ACTN1: variants seen among roughly 807,000 people sequenced by gnomAD.
ACTN1 encodes actinin alpha 1.
In ACTN1, 30 loss-of-function variants were observed where a neutral mutation model predicts 119.6. The ratio of observed to expected loss-of-function variants is 0.25; its 90% confidence interval spans 0.19 to 0.34. ACTN1 has a LOEUF of 0.34. Ranked by LOEUF, ACTN1 falls within the 10% of genes least tolerant of loss-of-function variation. The pLI, the probability that ACTN1 is intolerant of heterozygous loss-of-function variation, is 1.00. For synonymous variants in ACTN1, 429 were observed against 472.6 expected (o/e 0.91, Z 1.20); for missense variants, 764 against 1,223.4 (o/e 0.62, Z 5.60).
In ACTN1 at chr14:68,892,158, C is replaced by T. The variant is rs570350008; in HGVS notation, c.981G>A (p.Lys327=). Residue 327 remains lysine (K), a synonymous_variant, in exon 10 of 22, where the codon AAG becomes AAA. Coordinates refer to ENST00000394419, the MANE Select transcript of ACTN1 (RefSeq NM_001130004.2). ...RDYRRLHKPP[K]VQEKCQLEIN... is the part of the protein sequence containing the mutation. ...TCTCCAGCTGGCACTTCTCCTGCAC[C>T]TTGGGCGGCTTGTGCAGGCGCCGGT... 4.3e-6 allele frequency: 7 copies of T among 1,614,140 alleles called. No homozygotes were observed. In the African/African-American group the frequency reaches 6.7e-5, roughly 15 times the overall value.
chr14:68,903,581 G>A (rs2033479802), intron 7 of ACTN1, among the ~76,000 whole-genome samples: 1 of 151,516 alleles, frequency 6.6e-6, no homozygotes, highest in African/African-American at 2.4e-5. Context: ...GCAGGGAACA[G>A]TCTGGACCCC....
Position 68,885,857 on chromosome 14 carries a change from G to C in ACTN1, c.1235-282C>G. 2.8e-6 allele frequency: 1 copy of C among 355,630 alleles called. No homozygotes were observed. The highest frequency in any genetic ancestry group is 5.3e-6 in the Non-Finnish European group (1 of 189,718). 22.0% of individuals were successfully genotyped at this position (355,630 alleles called of 1,614,324 possible). A position where few individuals can be genotyped will look rare whatever the true frequency, so the allele number is the denominator to read the frequency against. On this transcript the variant is annotated intron_variant, in intron 11 of 21. Coordinates refer to ENST00000394419, the MANE Select transcript of ACTN1 (RefSeq NM_001130004.2). The surrounding 1 kb of genome is among the most constrained non-coding windows in gnomAD (Gnocchi z 5.6). The stretch of plus-strand genomic sequence containing the variant: ...TCTGTGGGAATGCATAGGGCATGAC[G>C]CTATACACACAGCGGGAAACACAGC...
intron 1 of ACTN1, chr14:68,978,472 G>C (rs967173983): frequency 3.1e-6 from 1 of 327,212 alleles, no homozygotes; most frequent in Admixed American, 4.5e-5. Context: ...CAGGGTCCCG[G>C]GAGGCCCGCC....
At chr14:68,961,149 G>A (rs2036525024) in intron 1 of ACTN1, among the ~76,000 whole-genome samples, 1 of 152,160 alleles carries the variant, frequency 6.6e-6, no homozygotes, top group African/African-American at 2.4e-5. Flanking sequence ...AAAGAGGCAG[G>A]AAAGTACAAA....
chr14:68,952,345 G>T lies in ACTN1; in HGVS notation c.105+26607C>A, dbSNP rs148137025. Among the ~76,000 whole-genome samples the T allele has an allele frequency of 3.9e-4, 59 of 152,352 alleles. No individual in the cohort carries two copies. In the East Asian group the frequency reaches 8.5e-3, roughly 22 times the overall value. ...GGACCCTGCGGGCTGCAGACAGGTC[G>T]AAGTGACAGGCGGCCAACGGCAGGG... On this transcript the variant is annotated intron_variant, in intron 1 of 21. Coordinates refer to ENST00000394419, the MANE Select transcript of ACTN1 (RefSeq NM_001130004.2).
In ACTN1 at chr14:68,955,894, G is replaced by A. The variant is rs543575361; in HGVS notation, c.105+23058C>T. Among the ~76,000 whole-genome samples the A allele has an allele frequency of 2.6e-5, 4 of 152,334 alleles. No homozygotes were observed. The South Asian group carries it at 6.2e-4, about 24-fold the overall frequency. On this transcript the variant is annotated intron_variant, in intron 1 of 21. Coordinates refer to ENST00000394419, the MANE Select transcript of ACTN1 (RefSeq NM_001130004.2). ...TTGCTCTAAGTCATGGGGGTTTGGC[G>A]TCCAGAAGAAATACTTGATTCACAT...
At chr14:68,884,142 C>A in intron 14 of ACTN1, 26 bp downstream of exon 14, 1 of 1,600,892 alleles carries the variant, frequency 6.2e-7, no homozygotes, top group Non-Finnish European at 8.5e-7. Flanking sequence ...GGGAGCCAGC[C>A]TCCGGGGAGT....
intron 1 of ACTN1, among the ~76,000 whole-genome samples, chr14:68,960,031 T>C (rs956917103): frequency 6.6e-6 from 1 of 152,164 alleles, no homozygotes; most frequent in Non-Finnish European, 1.5e-5. Context: ...AAGAAAATCA[T>C]AAGGAAGAGA....
At chr14:68,944,922 C>A (rs1566662962) in intron 1 of ACTN1, among the ~76,000 whole-genome samples, 1 of 148,880 alleles carries the variant, frequency 6.7e-6, no homozygotes, top group Non-Finnish European at 1.5e-5. Context: ...TGTAGGTCAC[C>A]CTATGCGTGT....
intron 11 of ACTN1, chr14:68,888,108 C>T: frequency 3.1e-6 from 2 of 640,814 alleles, no homozygotes; most frequent in Non-Finnish European, 2.9e-6. Context: ...AGGGCGCGTG[C>T]CAGGTGTCTG....
At chr14:68,917,130 AC>A (rs1414850050) in intron 3 of ACTN1, among the ~76,000 whole-genome samples, 1 of 152,064 alleles carries the variant, frequency 6.6e-6, no homozygotes, top group Admixed American at 6.6e-5. Context: ...CCAACCACTC[AC>A]CCAGGCCAAT....
At chr14:68,890,677 T>C (rs1338673163) in intron 10 of ACTN1, among the ~76,000 whole-genome samples, 3 of 152,184 alleles carry the variant, frequency 2.0e-5, no homozygotes, top group Admixed American at 2.0e-4. Flanking sequence ...ACCAACAATG[T>C]GCAATGAGGC....
chr14:68,877,350 G>T, intron 20 of ACTN1, 110 bp from the exon 21 acceptor site: 2 of 1,371,272 alleles, frequency 1.5e-6, no homozygotes, highest in Non-Finnish European at 2.0e-6. Context: ...GAAGAGAAGG[G>T]CACATCCCCC....
At chr14:68,914,078 C>T (rs1327343822) in intron 3 of ACTN1, among the ~76,000 whole-genome samples, 1 of 151,906 alleles carries the variant, frequency 6.6e-6, no homozygotes, top group African/African-American at 2.4e-5. Flanking sequence ...AAAAATTAAA[C>T]AGGCATGGTA....
chr14:68,973,328 T>C (rs976009199), intron 1 of ACTN1, among the ~76,000 whole-genome samples: 2 of 152,024 alleles, frequency 1.3e-5, no homozygotes, highest in Non-Finnish European at 2.9e-5. Flanking sequence ...AGGGACCCGG[T>C]GGGAGGTAAT....
intron 21 of ACTN1, among the ~76,000 whole-genome samples, chr14:68,876,221 C>T (rs1219061289): frequency 2.0e-5 from 3 of 152,184 alleles, no homozygotes; most frequent in African/African-American, 7.2e-5. Flanking sequence ...TGGTCTTGAA[C>T]TCCTGACCTG....
chr14:68,895,402 T>TGGAGCCTGTCTA (rs1209604412), intron 8 of ACTN1, among the ~76,000 whole-genome samples: 2 of 152,192 alleles, frequency 1.3e-5, no homozygotes, highest in African/African-American at 4.8e-5. Flanking sequence ...ATGCTTTTCC[T>TGGAGCCTGTCTA]GGAGCCTGTC....
chr14:68,909,499 A>G lies in ACTN1; in HGVS notation c.516-103T>C. On this transcript the variant is annotated intron_variant, in intron 5 of 21. Transcript: ENST00000394419. This position sits in a 1 kb window ranked among gnomAD's most constrained non-coding sequence, Gnocchi z 4.1. ...TCCTAGACACCAGAGAGATGAACAC[A>G]TAGAGCTTTCTGGGGTAGGAGTTAG... 9.7e-7 allele frequency: 1 copy of G among 1,032,028 alleles called. No homozygotes were observed. The highest frequency in any genetic ancestry group is 1.6e-5 in the African/African-American group (1 of 62,940). The allele number at this position is 1,032,028 out of a possible 1,614,324, so 63.9% of individuals were successfully genotyped here. A position where few individuals can be genotyped will look rare whatever the true frequency, so the allele number is the denominator to read the frequency against.
chr14:68,904,418 G>A (rs1053945225), intron 7 of ACTN1, among the ~76,000 whole-genome samples: 4 of 152,196 alleles, frequency 2.6e-5, no homozygotes, highest in African/African-American at 7.2e-5. Flanking sequence ...TCCTCAGGCA[G>A]TCGATGCAAG....
Sources: gnomAD v4.1 joint callset for allele counts (sites outside exome capture counted in the v4.1 genomes callset) on GRCh38, gnomAD v4.1.1 for gene constraint, Gnocchi (gnomAD v3.1) non-coding constraint, MANE v1.5 for transcripts, NCBI Gene and HGNC (gene_info 2026-07-23, HGNC 2026-07-21) for gene names.